Variants in SIPA1L3 observed in about 807,000 individuals in gnomAD.
SIPA1L3 encodes signal induced proliferation associated 1 like 3.
SIPA1L3 carries 59 observed loss-of-function variants against 150.1 expected under a neutral mutation model. The ratio of observed to expected loss-of-function variants is 0.39; its 90% CI spans 0.32 to 0.49. The LOEUF is 0.49. SIPA1L3 is among the 20% of genes least tolerant of loss of function. The pLI is 0.86. For missense variants in SIPA1L3, 2,211 were observed against 2,489.5 expected, an observed-to-expected ratio of 0.89 and a Z score of 2.38; for synonymous variants, 1,070 against 1,077.6, an observed-to-expected ratio of 0.99 and a Z score of 0.14.
In SIPA1L3 at chr19:37,926,450, G is replaced by A. The variant is rs113127857; in HGVS notation, c.-379+19092G>A. Among the ~76,000 whole-genome samples, 823 of 152,332 alleles carry A rather than the reference G, an allele frequency of 5.4e-3. 7 individuals are homozygous for A. Among genetic ancestry groups the A allele is most frequent in the African/African-American group, 0.019 (799 of 41,576 alleles). On this transcript the variant is annotated intron_variant, in intron 1 of 21. Coordinates refer to ENST00000222345, the MANE Select transcript of SIPA1L3 (RefSeq NM_015073.3). ...GCTCCCAGAGGGAGGGGCACCCGCG[G>A]ACTCTTGCTGGGTGTTTGGTGTGAC...
intron 1 of SIPA1L3, among the ~76,000 whole-genome samples, chr19:37,996,099 A>T (rs1239623207): frequency 4.0e-5 from 6 of 151,834 alleles, no homozygotes; most frequent in Non-Finnish European, 7.4e-5. Flanking sequence ...TTTTTGGGGG[A>T]TGTGTGTGTG....
intron 1 of SIPA1L3, among the ~76,000 whole-genome samples, chr19:37,962,433 C>T (rs1048112760): frequency 6.1e-5 from 9 of 147,162 alleles, no homozygotes; most frequent in South Asian, 2.1e-4. Context: ...TGTGAGCCAC[C>T]GTGCTTGGCC....
intron 2 of SIPA1L3, among the ~76,000 whole-genome samples, chr19:38,042,658 T>C (rs1232811217): frequency 2.0e-5 from 3 of 152,224 alleles, no homozygotes; most frequent in Admixed American, 6.5e-5. Context: ...CCCTGAAATA[T>C]AGCTACATTT....
At chr19:38,063,269 G>A (rs7257303) in intron 2 of SIPA1L3, among the ~76,000 whole-genome samples, 25,513 of 149,810 alleles carry the variant, frequency 0.17, 2,260 homozygotes, top group African/African-American at 0.2. Context: ...CACCGCCCCC[G>A]CCGGCCCCCA....
intron 2 of SIPA1L3, among the ~76,000 whole-genome samples, chr19:38,039,102 C>T (rs1374202310): frequency 1.3e-5 from 2 of 152,012 alleles, no homozygotes; most frequent in African/African-American, 2.4e-5. Flanking sequence ...AGGGTGGTCT[C>T]GAACTCCTGA....
chr19:38,157,024 T>C (rs1416414615), intron 13 of SIPA1L3, among the ~76,000 whole-genome samples: 1 of 151,556 alleles, frequency 6.6e-6, no homozygotes, highest in African/African-American at 2.4e-5. Flanking sequence ...TATAGCTAGG[T>C]GTGGCAGTGC....
chr19:38,100,498 G>A (rs967222274), intron 5 of SIPA1L3, among the ~76,000 whole-genome samples: 1 of 152,148 alleles, frequency 6.6e-6, no homozygotes, highest in African/African-American at 2.4e-5. Context: ...CTCCCAGTCT[G>A]TTAGAATTAC....
intron 1 of SIPA1L3, among the ~76,000 whole-genome samples, chr19:37,948,403 G>A (rs1281071245): frequency 6.6e-6 from 1 of 151,758 alleles, no homozygotes; most frequent in African/African-American, 2.4e-5. Context: ...GAAGGTTAAG[G>A]CTGCAGTGAG....
At chr19:38,114,424 CAA>C (rs5828003) in intron 8 of SIPA1L3, among the ~76,000 whole-genome samples, 1,723 of 100,202 alleles carry the variant, frequency 0.017, 30 homozygotes, top group African/African-American at 0.057. Flanking sequence ...ACTCTTGTCT[CAA>C]AAAAAAAAAA....
chr19:38,091,975 A>G (rs1283849657), intron 4 of SIPA1L3, among the ~76,000 whole-genome samples: 1 of 151,836 alleles, frequency 6.6e-6, no homozygotes, highest in Non-Finnish European at 1.5e-5. Flanking sequence ...GAGGCAGGAG[A>G]ATCGCTTGAA....
intron 1 of SIPA1L3, among the ~76,000 whole-genome samples, chr19:37,912,643 G>A (rs561269546): frequency 1.4e-4 from 21 of 152,196 alleles, no homozygotes; most frequent in Non-Finnish European, 3.1e-4. Flanking sequence ...CTACAGGTGT[G>A]CACCACCACA....
chr19:37,977,582 C>T (rs1311224150), intron 1 of SIPA1L3, among the ~76,000 whole-genome samples: 3 of 151,816 alleles, frequency 2.0e-5, no homozygotes, highest in South Asian at 2.1e-4. Context: ...GTCCCCTCCA[C>T]GCCCCCCCCC....
chr19:38,034,241 T>C (rs2145726659), intron 2 of SIPA1L3, among the ~76,000 whole-genome samples: 1 of 152,312 alleles, frequency 6.6e-6, no homozygotes. Context: ...CAGCACTGCC[T>C]GGTTTCATGG....
intron 2 of SIPA1L3, among the ~76,000 whole-genome samples, chr19:38,078,595 CACACACACACAG>C: frequency 9.3e-6 from 1 of 107,008 alleles, no homozygotes; most frequent in Non-Finnish European, 2.0e-5. Flanking sequence ...CACACACAGA[CACACACACACAG>C]ACACATACAC....
intron 1 of SIPA1L3, among the ~76,000 whole-genome samples, chr19:38,024,535 G>A (rs950893752): frequency 1.8e-4 from 28 of 151,994 alleles, no homozygotes; most frequent in African/African-American, 5.1e-4. Flanking sequence ...CGGGGAGCCC[G>A]GCACTGCCCC....
intron 2 of SIPA1L3, among the ~76,000 whole-genome samples, chr19:38,056,721 G>T (rs952865359): frequency 1.3e-5 from 2 of 151,982 alleles, no homozygotes; most frequent in Non-Finnish European, 2.9e-5. Flanking sequence ...AACTTGTTTG[G>T]TTTTTTTTCC....
At chr19:38,177,262 G>C (rs1381174519) in intron 15 of SIPA1L3, among the ~76,000 whole-genome samples, 3 of 151,286 alleles carry the variant, frequency 2.0e-5, no homozygotes, top group Non-Finnish European at 2.9e-5. Context: ...TCAGGAGGCT[G>C]AGGCAGGAGA....
intron 3 of SIPA1L3, among the ~76,000 whole-genome samples, chr19:38,084,173 C>T (rs1054511141): frequency 1.3e-5 from 2 of 152,088 alleles, no homozygotes; most frequent in Non-Finnish European, 2.9e-5. Flanking sequence ...CTGCTCCACA[C>T]CAAGATGGCT....
chr19:38,017,913 C>T (rs1968275253), intron 1 of SIPA1L3, among the ~76,000 whole-genome samples: 1 of 151,608 alleles, frequency 6.6e-6, no homozygotes, highest in Non-Finnish European at 1.5e-5. Context: ...ACATATCATT[C>T]CCCTGCTTCC....
Sources: gnomAD v4.1 joint callset for allele counts (sites outside exome capture counted in the v4.1 genomes callset) on GRCh38, gnomAD v4.1.1 for gene constraint, MANE v1.5 for transcripts, NCBI Gene and HGNC (gene_info 2026-07-23, HGNC 2026-07-21) for gene names.